Variants in PYROXD1 observed in about 807,000 individuals in gnomAD.
The protein encoded by PYROXD1 is pyridine nucleotide-disulphide oxidoreductase domain 1, also known as tRNA ligase complex-associated NAD(P)H dehydrogenase PYROXD1.
A neutral mutation model predicts 62.0 loss-of-function variants in PYROXD1; 42 were observed. The ratio of observed to expected loss-of-function variants is 0.68; its 90% CI spans 0.53 to 0.88. PYROXD1 has a LOEUF of 0.88. Ranked by LOEUF, PYROXD1 falls within the 40% of genes least tolerant of loss-of-function variation. The pLI is 0.00. For synonymous variants in PYROXD1, 170 were observed against 206.4 expected (o/e 0.82, Z 1.51); for missense variants, 493 against 604.8 (o/e 0.82, Z 1.94).
At position 21,459,211 on chromosome 12, in the gene PYROXD1, A is replaced by G. The variant is rs555425714; in HGVS notation, c.751-1814A>G. On this transcript the variant is annotated intron_variant, in intron 7 of 11. Transcript: ENST00000240651. Reference sequence around the variant, plus strand: ...TAGACTTTCCAACCTACAGGAAGGGAAAGAGGTTGAAGGTTAAGCCAATCA... The same window carrying G: ...TAGACTTTCCAACCTACAGGAAGGGGAAGAGGTTGAAGGTTAAGCCAATCA... Among the ~76,000 whole-genome samples, 14 of 152,268 alleles carry G rather than the reference A, an allele frequency of 9.2e-5. 1 individual carries two copies. In the South Asian group the frequency reaches 2.7e-3, roughly 29 times the overall value.
rs116580544 is a variant in PYROXD1, at chr12:21,458,249, A to G, written c.750+2154A>G. Among the ~76,000 whole-genome samples, 1,059 of 152,306 alleles carry G rather than the reference A, an allele frequency of 7.0e-3. 12 individuals carry two copies. Among genetic ancestry groups the G allele is most frequent in the African/African-American group, 0.021 (854 of 41,562 alleles). On this transcript the variant is annotated intron_variant, in intron 7 of 11. Coordinates refer to ENST00000240651, the MANE Select transcript of PYROXD1 (RefSeq NM_024854.5). ...ACTTAAACATCATGAACCAACCTCT[A>G]CTAGCTTCAGCCTTTTCTTCTGCAG... is the stretch of plus-strand genomic sequence containing the variant.
At chr12:21,441,918 G>C (rs1175761753) in intron 2 of PYROXD1, among the ~76,000 whole-genome samples, 3 of 152,198 alleles carry the variant, frequency 2.0e-5, no homozygotes, top group Non-Finnish European at 4.4e-5. Context: ...TTGCTAGATG[G>C]GATGTAGCAG....
chr12:21,450,330 C>T (rs1002206203), intron 4 of PYROXD1, among the ~76,000 whole-genome samples: 8 of 152,020 alleles, frequency 5.3e-5, no homozygotes, highest in African/African-American at 1.9e-4. Flanking sequence ...GATTTGCAAC[C>T]TAAATAATAT....
rs2137268280 is a variant in PYROXD1, at chr12:21,455,265, C to G, written c.622C>G (p.His208Asp). Reference sequence around the variant, plus strand: ...TGAAAAATCAGAGGCTAAAATTGCACATAAAAGAACCAGATATACAACTGA... The same window carrying G: ...TGAAAAATCAGAGGCTAAAATTGCAGATAAAAGAACCAGATATACAACTGA... ...IAEKSEAKIA[H>D]KRTRYTTEGR... is the part of the protein sequence containing the mutation. Residue 208 changes from histidine (H) to aspartate (D), a missense_variant, in exon 6 of 12, where the codon CAT (histidine) becomes GAT (aspartate). Physicochemically the swap from His to Asp is moderately conservative, Grantham distance 81 (BLOSUM62 -1). This residue lies in a region of PYROXD1 where 329 missense variants were observed against 446.6 expected (regional missense o/e 0.74). Coordinates refer to ENST00000240651, the MANE Select transcript of PYROXD1 (RefSeq NM_024854.5). The G allele has an allele frequency of 6.4e-7, 1 of 1,567,504 alleles. No homozygotes were observed. Among genetic ancestry groups the G allele is most frequent in the East Asian group, 2.3e-5 (1 of 42,984 alleles).
At position 21,468,858 on chromosome 12, in the gene PYROXD1, AAAT is replaced by A; in HGVS notation, c.*105_*107del. On this transcript the variant is annotated 3_prime_UTR_variant, in exon 12 of 12. Coordinates refer to ENST00000240651, the MANE Select transcript of PYROXD1 (RefSeq NM_024854.5). ...ATTGAGTTAATGATGACCACACTGAAAATTACAGAAGTGATAATGATATTAGTG... is the reference window on the plus strand; with the variant it reads ...ATTGAGTTAATGATGACCACACTGAATACAGAAGTGATAATGATATTAGTG... 1 of 1,015,146 alleles carries A rather than the reference AAAT, an allele frequency of 9.9e-7. No individual in the cohort carries two copies. The highest frequency in any genetic ancestry group is 1.4e-6 in the Non-Finnish European group (1 of 704,116). The allele number at this position is 1,015,146 out of a possible 1,614,324, so 62.9% of individuals were successfully genotyped here. A position where few individuals can be genotyped will look rare whatever the true frequency, so the allele number is the denominator to read the frequency against.
At chr12:21,439,844 A>G (rs554409290) in intron 1 of PYROXD1, among the ~76,000 whole-genome samples, 2 of 152,352 alleles carry the variant, frequency 1.3e-5, no homozygotes, top group Admixed American at 6.5e-5. Context: ...CAATTATTAA[A>G]ATGGCTTTAT....
At position 21,470,075 on chromosome 12, in the gene PYROXD1, A is replaced by G; in HGVS notation, c.*1321A>G. On this transcript the variant is annotated 3_prime_UTR_variant, in exon 12 of 12. Transcript: ENST00000240651. ...ATCTTCAGAGATAAGCTCTGAAAATATAGATCCATACATATAAAATATCTA... is the reference window on the plus strand; with the variant it reads ...ATCTTCAGAGATAAGCTCTGAAAATGTAGATCCATACATATAAAATATCTA... The G allele has an allele frequency of 1.4e-6, 1 of 698,388 alleles. No individual in the cohort carries two copies. Among genetic ancestry groups the G allele is most frequent in the Non-Finnish European group, 2.3e-6 (1 of 439,472 alleles). 43.3% of individuals were successfully genotyped at this position (698,388 alleles called of 1,614,324 possible).
chr12:21,441,378 T>C (rs757332951), intron 2 of PYROXD1: 1 of 152,204 alleles, frequency 6.6e-6, no homozygotes, highest in African/African-American at 2.4e-5. Context: ...TTTGTCTTTC[T>C]TGTCTCCTTC....
intron 7 of PYROXD1, among the ~76,000 whole-genome samples, chr12:21,457,590 C>A (rs902631410): frequency 3.9e-5 from 6 of 151,996 alleles, no homozygotes; most frequent in Non-Finnish European, 7.4e-5. Context: ...GTTTAATTGG[C>A]TCATGGTCCC....
chr12:21,451,639 C>T (rs930584253), intron 4 of PYROXD1, among the ~76,000 whole-genome samples: 4 of 151,904 alleles, frequency 2.6e-5, no homozygotes, highest in African/African-American at 9.7e-5. Flanking sequence ...TTGCTAGAGC[C>T]AGTGCTTCCA....
intron 5 of PYROXD1, among the ~76,000 whole-genome samples, chr12:21,453,159 T>C (rs1369300948): frequency 2.0e-5 from 3 of 152,098 alleles, no homozygotes; most frequent in Non-Finnish European, 4.4e-5. Flanking sequence ...CTCTATCAGC[T>C]CTCACCAAAG....
chr12:21,440,318 G>T, intron 1 of PYROXD1, 50 bp from the exon 2 acceptor site: 1 of 1,011,788 alleles, frequency 9.9e-7, no homozygotes. Flanking sequence ...ATATATACCA[G>T]TACTTAAAGT....
intron 7 of PYROXD1, among the ~76,000 whole-genome samples, chr12:21,456,344 TAC>T (rs949423394): frequency 1.6e-4 from 25 of 152,180 alleles, no homozygotes; most frequent in African/African-American, 5.8e-4. Context: ...GTAATATATA[TAC>T]AGTCATACCT....
At position 21,449,604 on chromosome 12, in the gene PYROXD1, A is replaced by G. The variant is rs562425663; in HGVS notation, c.327A>G (p.Lys109=). ...ATGGCAATCAGCACGTATATAAGAA[A>G]CTCTGTCTGTGTGCTGGAGCTAAAC... ...TEDGNQHVYK[K]LCLCAGAKPK... The change falls in exon 4 of 12, where the codon AAA becomes AAG. Residue 109 remains lysine, a synonymous_variant. Coordinates refer to ENST00000240651, the MANE Select transcript of PYROXD1 (RefSeq NM_024854.5). 6.2e-7 allele frequency: 1 copy of G among 1,613,116 alleles called. No individual in the cohort carries two copies. The highest frequency in any genetic ancestry group is 1.3e-5 in the African/African-American group (1 of 74,948).
chr12:21,445,855 C>T (rs995236197), intron 3 of PYROXD1, among the ~76,000 whole-genome samples: 2 of 152,168 alleles, frequency 1.3e-5, no homozygotes, highest in African/African-American at 2.4e-5. Flanking sequence ...CACTGAAATA[C>T]TATCAAAGCT....
chr12:21,459,933 G>A (rs908102819), intron 7 of PYROXD1, among the ~76,000 whole-genome samples: 9 of 152,294 alleles, frequency 5.9e-5, no homozygotes, highest in East Asian at 1.9e-4. Flanking sequence ...GATGCATGCA[G>A]TAAACTTACA....
rs1333579466 is a variant in PYROXD1 at position 21,471,005 on chromosome 12, A to T, written c.*2251A>T. On this transcript the variant is annotated 3_prime_UTR_variant, in exon 12 of 12. Transcript: ENST00000240651. ...TCTGCGTGGACTTTGTCACTTGCAT[A>T]GTAATAGCATGTGCCTCATTGTTCA... 1 of 1,574,730 alleles carries T rather than the reference A, an allele frequency of 6.4e-7. No homozygotes were observed. The highest frequency in any genetic ancestry group is 8.6e-7 in the Non-Finnish European group (1 of 1,164,650).
chr12:21,453,628 T>A (rs997933041), intron 5 of PYROXD1, among the ~76,000 whole-genome samples: 1 of 152,106 alleles, frequency 6.6e-6, no homozygotes, highest in African/African-American at 2.4e-5. Flanking sequence ...AAAGCAGTAT[T>A]TCCCCTCTGT....
In PYROXD1 at chr12:21,468,759, G is replaced by T; in HGVS notation, c.*5G>T. On this transcript the variant is annotated 3_prime_UTR_variant, in exon 12 of 12. Coordinates refer to ENST00000240651, the MANE Select transcript of PYROXD1 (RefSeq NM_024854.5). ...ATAGAAGATTATTTTGACTAAAAAT[G>T]GAATTTCTTCAGGAATCATATAAAG... The T allele has an allele frequency of 6.2e-7, 1 of 1,600,036 alleles. No homozygotes were observed. The highest frequency in any genetic ancestry group is 1.3e-5 in the African/African-American group (1 of 74,486).
Sources: allele counts gnomAD v4.1 joint callset (sites outside exome capture counted in the v4.1 genomes callset), GRCh38; gene constraint gnomAD v4.1.1; regional missense constraint gnomAD v4.1.1; transcripts MANE v1.5; gene names NCBI Gene and HGNC (gene_info 2026-07-23, HGNC 2026-07-21).